The following PAWR variants were observed in gnomAD, a reference collection of about 807,000 sequenced individuals.
The protein encoded by PAWR is PRKC apoptosis WT1 regulator protein.
Under a neutral mutation model 32.0 loss-of-function variants are expected in PAWR, and 23 were observed. The ratio of observed to expected loss-of-function variants is 0.72; its 90% CI spans 0.52 to 1.02. The LOEUF (loss-of-function observed/expected upper bound fraction) is 1.02. Among genes scored for constraint, PAWR ranks in the 50% least tolerant of loss-of-function variants. PAWR has a pLI of 0.00. For missense variants in PAWR, 457 were observed against 437.7 expected (o/e 1.04, Z -0.39); for synonymous variants, 226 against 187.1 (o/e 1.21, Z -1.70).
At chr12:79,643,524 T>C (rs532544510) in intron 2 of PAWR, among the ~76,000 whole-genome samples, 277 of 152,274 alleles carry the variant, frequency 1.8e-3, no homozygotes, top group Non-Finnish European at 3.1e-3. Flanking sequence ...CTATATAAAA[T>C]TGCCAAAATG....
intron 2 of PAWR, among the ~76,000 whole-genome samples, chr12:79,649,344 A>G (rs544360844): frequency 3.3e-5 from 5 of 152,294 alleles, no homozygotes; most frequent in South Asian, 2.1e-4. Context: ...TGTTAAGGAC[A>G]TTTATGATAT....
chr12:79,650,723 A>G (rs1045969849), intron 2 of PAWR, among the ~76,000 whole-genome samples: 7 of 151,280 alleles, frequency 4.6e-5, no homozygotes, highest in Non-Finnish European at 1.0e-4. Context: ...TTAAAAAAAA[A>G]AAAAAAAAAA....
chr12:79,606,217 A>G (rs1230470690), intron 4 of PAWR, among the ~76,000 whole-genome samples: 1 of 152,212 alleles, frequency 6.6e-6, no homozygotes, highest in Non-Finnish European at 1.5e-5. Context: ...GGAAGAATGG[A>G]TATGAACGGT....
intron 4 of PAWR, 91 bp downstream of exon 4, chr12:79,613,483 CA>C (rs35190708): frequency 1.6e-6 from 1 of 612,868 alleles, no homozygotes; most frequent in Non-Finnish European, 2.8e-6. Flanking sequence ...TCTTACTTTT[CA>C]AAAAGCTGCT....
At chr12:79,601,033 T>C (rs1352995687) in intron 4 of PAWR, among the ~76,000 whole-genome samples, 1 of 152,048 alleles carries the variant, frequency 6.6e-6, no homozygotes, top group Admixed American at 6.6e-5. Flanking sequence ...AGGACTACAC[T>C]TTGGGTATCA....
intron 3 of PAWR, among the ~76,000 whole-genome samples, chr12:79,615,483 G>C (rs1272363240): frequency 4.6e-5 from 7 of 152,130 alleles, no homozygotes; most frequent in Non-Finnish European, 4.4e-5. Flanking sequence ...TAGTTCTGGG[G>C]AAGTCATGCC....
intron 2 of PAWR, among the ~76,000 whole-genome samples, chr12:79,655,785 C>T (rs1877064661): frequency 6.6e-6 from 1 of 152,168 alleles, no homozygotes; most frequent in South Asian, 2.1e-4. Context: ...TGATTACTGC[C>T]TCCAATTCAG....
chr12:79,585,114 C>A lies in PAWR; in HGVS notation c.*7493G>T, dbSNP rs1445426967. ...GTCCATGCTGAGGCTTCTCCTGATA[C>A]AATCTTTTGCAACATAACCAACAAA... On this transcript the variant is annotated 3_prime_UTR_variant, in exon 7 of 7. Transcript: ENST00000328827. 1 of 449,770 alleles carries A rather than the reference C, an allele frequency of 2.2e-6. No homozygotes were observed. Among genetic ancestry groups the A allele is most frequent in the Non-Finnish European group, 4.4e-6 (1 of 224,904 alleles). 27.9% of individuals were successfully genotyped at this position (449,770 alleles called of 1,614,324 possible). A position where few individuals can be genotyped will look rare whatever the true frequency, so the allele number is the denominator to read the frequency against.
intron 2 of PAWR, among the ~76,000 whole-genome samples, chr12:79,626,128 C>A (rs1252623940): frequency 6.3e-5 from 8 of 127,886 alleles, no homozygotes; most frequent in African/African-American, 8.6e-5. Flanking sequence ...CGTGCCACTG[C>A]ACTCCAGCCT....
At chr12:79,603,063 G>T (rs1185186600) in intron 4 of PAWR, among the ~76,000 whole-genome samples, 1 of 151,896 alleles carries the variant, frequency 6.6e-6, no homozygotes, top group Non-Finnish European at 1.5e-5. Flanking sequence ...ACAACATAAT[G>T]AGACTCTGTC....
rs1017443634 is a variant in PAWR at position 79,586,620 on chromosome 12, ATACACAGCAGTCAAAACT to A, written c.*5969_*5986del. The stretch of plus-strand genomic sequence containing the variant: ...CTGAGCACATATTAACATGAATAAC[ATACACAGCAGTCAAAACT>A]TACTGTTTTTCATATGTGTAAAGTA... On this transcript the variant is annotated 3_prime_UTR_variant, in exon 7 of 7. Transcript: ENST00000328827. The A allele has an allele frequency of 2.5e-4, 38 of 152,324 alleles. No individual in the cohort carries two copies. The highest frequency in any genetic ancestry group is 8.7e-4 in the African/African-American group (36 of 41,582). 9.4% of individuals were successfully genotyped at this position (152,324 alleles called of 1,614,324 possible).
intron 2 of PAWR, among the ~76,000 whole-genome samples, chr12:79,664,668 A>C (rs369056035): frequency 1.9e-5 from 2 of 104,302 alleles, no homozygotes; most frequent in African/African-American, 5.6e-5. Flanking sequence ...CGGGGGGGGG[A>C]GGAGAGAGAG....
intron 2 of PAWR, among the ~76,000 whole-genome samples, chr12:79,651,768 T>G (rs1466438979): frequency 6.6e-6 from 1 of 152,098 alleles, no homozygotes; most frequent in African/African-American, 2.4e-5. Flanking sequence ...TCTTCTGTAG[T>G]AGATGTCTAA....
chr12:79,682,302 C>T (rs1390278538), intron 2 of PAWR, among the ~76,000 whole-genome samples: 2 of 152,060 alleles, frequency 1.3e-5, no homozygotes, highest in East Asian at 3.9e-4. Context: ...GAGGTGTGAG[C>T]TATGGCACCT....
intron 4 of PAWR, among the ~76,000 whole-genome samples, chr12:79,612,094 G>A (rs2136697224): frequency 6.6e-6 from 1 of 152,190 alleles, no homozygotes; most frequent in East Asian, 1.9e-4. Flanking sequence ...TGTGGTATGG[G>A]AACAGGCCAC....
At chr12:79,618,373 C>G (rs1874845979) in intron 3 of PAWR, among the ~76,000 whole-genome samples, 1 of 152,154 alleles carries the variant, frequency 6.6e-6, no homozygotes, top group African/African-American at 2.4e-5. Context: ...AAGTGGTCCA[C>G]CCACTTCGGC....
chr12:79,609,061 C>T lies in PAWR; in HGVS notation c.683+4514G>A, dbSNP rs562015860. 4.9e-4 allele frequency among the ~76,000 whole-genome samples: 74 copies of T among 152,062 alleles called. 1 individual carries two copies. The highest frequency in any genetic ancestry group is 1.8e-3 in the African/African-American group (73 of 41,480). ...TCCAGCCTGGGTGACAGGAGTGAGA[C>T]TCCACCTCAAAAAAACAAAAGGAGG... On this transcript the variant is annotated intron_variant, in intron 4 of 6. Transcript: ENST00000328827.
chr12:79,622,312 T>A lies in PAWR; in HGVS notation c.517-1105A>T, dbSNP rs552502654. Among the ~76,000 whole-genome samples, 4 of 152,180 alleles carry A rather than the reference T, an allele frequency of 2.6e-5. No homozygotes were observed. In the South Asian group the frequency reaches 8.3e-4, roughly 32 times the overall value. On this transcript the variant is annotated intron_variant, in intron 2 of 6. Transcript: ENST00000328827. ...TGAGATGGAGTGTTTTTTATTATTTTTTATTATTATTATACTTTAAGTTGT... is the reference window on the plus strand; with the variant it reads ...TGAGATGGAGTGTTTTTTATTATTTATTATTATTATTATACTTTAAGTTGT...
At chr12:79,647,655 G>A (rs1056631392) in intron 2 of PAWR, among the ~76,000 whole-genome samples, 1 of 152,172 alleles carries the variant, frequency 6.6e-6, no homozygotes, top group Non-Finnish European at 1.5e-5. Context: ...ATCAAAATAG[G>A]TAGTCTTTAT....
Sources: gnomAD v4.1 joint callset for allele counts (sites outside exome capture counted in the v4.1 genomes callset) on GRCh38, gnomAD v4.1.1 for gene constraint, MANE v1.5 for transcripts, NCBI Gene and HGNC (gene_info 2026-07-23, HGNC 2026-07-21) for gene names.